Variants in CDH9 observed in about 807,000 individuals in gnomAD.
CDH9 encodes the protein cadherin-9.
In CDH9, 28 loss-of-function variants were observed where a neutral mutation model predicts 70.9. The observed-to-expected ratio is 0.40, with a 90% CI of 0.29 to 0.54. CDH9 has a LOEUF of 0.54. Ranked by LOEUF, CDH9 falls within the 20% of genes least tolerant of loss-of-function variation. CDH9 has a pLI of 0.59. For missense variants in CDH9, 874 were observed against 984.4 expected, an observed-to-expected ratio of 0.89 and a Z score of 1.50; for synonymous variants, 409 against 343.1, an observed-to-expected ratio of 1.19 and a Z score of -2.12.
At chr5:26,917,310 A>T (rs1174379086) in intron 2 of CDH9, among the ~76,000 whole-genome samples, 1 of 151,970 alleles carries the variant, frequency 6.6e-6, no homozygotes, top group Non-Finnish European at 1.5e-5. Flanking sequence ...TTGATCAAGG[A>T]ATGCAAAATT....
intron 2 of CDH9, among the ~76,000 whole-genome samples, chr5:26,967,004 CT>C (rs1742140271): frequency 6.6e-6 from 1 of 152,160 alleles, no homozygotes; most frequent in Non-Finnish European, 1.5e-5. Flanking sequence ...GAGATCACAG[CT>C]CGTTGCAGCC....
At chr5:26,943,918 A>G (rs1295586334) in intron 2 of CDH9, among the ~76,000 whole-genome samples, 1 of 152,220 alleles carries the variant, frequency 6.6e-6, no homozygotes, top group Non-Finnish European at 1.5e-5. Flanking sequence ...AATAAATTAG[A>G]GTGTGATTAA....
At chr5:26,906,868 A>G in intron 3 of CDH9, 30 bp from the exon 4 acceptor site, 4 of 1,554,466 alleles carry the variant, frequency 2.6e-6, no homozygotes, top group Non-Finnish European at 3.5e-6. Flanking sequence ...CCAAACAGAG[A>G]CATTTACATA....
intron 2 of CDH9, among the ~76,000 whole-genome samples, chr5:26,935,875 A>G (rs2170040): frequency 0.096 from 14,561 of 152,216 alleles, 875 homozygotes; most frequent in East Asian, 0.17. Context: ...CAATCAACAA[A>G]TGAATAAAGT....
At chr5:27,000,669 T>C (rs1444210700) in intron 1 of CDH9, among the ~76,000 whole-genome samples, 4 of 152,156 alleles carry the variant, frequency 2.6e-5, no homozygotes, top group African/African-American at 4.8e-5. Context: ...TTAATGTTTA[T>C]AGAATCTTTA....
intron 3 of CDH9, among the ~76,000 whole-genome samples, chr5:26,910,593 G>C (rs931296028): frequency 1.3e-5 from 2 of 152,098 alleles, no homozygotes; most frequent in African/African-American, 4.8e-5. Context: ...ACCAACTAAA[G>C]TTTAAAGAAA....
chr5:26,977,475 G>C (rs1045473581), intron 2 of CDH9, among the ~76,000 whole-genome samples: 5 of 55,316 alleles, frequency 9.0e-5, no homozygotes. Context: ...ATGTGTGCGT[G>C]TGTGTGTGTG....
chr5:26,967,516 C>T (rs181889056), intron 2 of CDH9, among the ~76,000 whole-genome samples: 9 of 152,164 alleles, frequency 5.9e-5, no homozygotes, highest in African/African-American at 2.2e-4. Context: ...CCAGTCTCAT[C>T]AGAAAGAGTA....
chr5:26,954,231 T>C (rs1413349511), intron 2 of CDH9, among the ~76,000 whole-genome samples: 1 of 152,080 alleles, frequency 6.6e-6, no homozygotes, highest in Non-Finnish European at 1.5e-5. Flanking sequence ...ATAAAGATTT[T>C]TCTGACTATT....
chr5:27,006,895 A>G (rs568520677), intron 1 of CDH9, among the ~76,000 whole-genome samples: 1 of 152,230 alleles, frequency 6.6e-6, no homozygotes, highest in South Asian at 2.1e-4. Flanking sequence ...AGACTCCTTG[A>G]GGAGTTTTCA....
chr5:27,001,851 C>CTCTT (rs1742776411), intron 1 of CDH9, among the ~76,000 whole-genome samples: 1 of 149,066 alleles, frequency 6.7e-6, no homozygotes, highest in Non-Finnish European at 1.5e-5. Context: ...CACACTCTCT[C>CTCTT]TCTCTCTCTC....
chr5:27,024,213 C>T (rs1039929088), intron 1 of CDH9, among the ~76,000 whole-genome samples: 3 of 151,886 alleles, frequency 2.0e-5, no homozygotes, highest in Admixed American at 1.3e-4. Flanking sequence ...TTTTCATACT[C>T]TCATAAATAG....
intron 7 of CDH9, among the ~76,000 whole-genome samples, chr5:26,898,938 T>C (rs1740801774): frequency 6.6e-6 from 1 of 152,148 alleles, no homozygotes; most frequent in African/African-American, 2.4e-5. Context: ...AAAGAGCTAA[T>C]ATCCAGAATC....
At chr5:26,943,329 T>C (rs1018665026) in intron 2 of CDH9, among the ~76,000 whole-genome samples, 2 of 151,870 alleles carry the variant, frequency 1.3e-5, no homozygotes, top group Middle Eastern at 3.4e-3. Context: ...CTGACCAACA[T>C]GGAAAAACCC....
intron 9 of CDH9, among the ~76,000 whole-genome samples, chr5:26,888,975 C>T (rs1740609992): frequency 6.6e-6 from 1 of 152,104 alleles, no homozygotes; most frequent in Non-Finnish European, 1.5e-5. Context: ...GAAACACCAT[C>T]TCCAAATACA....
At chr5:26,999,145 T>A (rs1420954851) in intron 1 of CDH9, among the ~76,000 whole-genome samples, 1 of 151,838 alleles carries the variant, frequency 6.6e-6, no homozygotes, top group Admixed American at 6.6e-5. Flanking sequence ...CTTGGGAGGC[T>A]GAGGCAGGGG....
intron 2 of CDH9, among the ~76,000 whole-genome samples, chr5:26,963,370 C>T (rs1742071811): frequency 6.6e-6 from 1 of 151,990 alleles, no homozygotes; most frequent in African/African-American, 2.4e-5. Flanking sequence ...TCAATTATGT[C>T]TGAGACTCTC....
chr5:27,022,094 A>G (rs1422071729), intron 1 of CDH9, among the ~76,000 whole-genome samples: 1 of 151,988 alleles, frequency 6.6e-6, no homozygotes, highest in Non-Finnish European at 1.5e-5. Context: ...TATAGATAAA[A>G]CACGGTTAAG....
chr5:26,988,029 G>C, intron 2 of CDH9, 77 bp downstream of exon 2: 2 of 1,011,644 alleles, frequency 2.0e-6, no homozygotes, highest in Non-Finnish European at 2.9e-6. Context: ...ATAATCACTA[G>C]TGAAAAGAAA....
Sources: gnomAD v4.1 joint callset for allele counts (sites outside exome capture counted in the v4.1 genomes callset) on GRCh38, gnomAD v4.1.1 for gene constraint, MANE v1.5 for transcripts, NCBI Gene and HGNC (gene_info 2026-07-23, HGNC 2026-07-21) for gene names.